FLRT2: variants seen among roughly 807,000 people sequenced by gnomAD.
FLRT2 encodes the protein fibronectin leucine rich transmembrane protein 2.
A neutral mutation model predicts 40.0 loss-of-function variants in FLRT2; 15 were observed. The ratio of observed to expected loss-of-function variants is 0.38; its 90% CI spans 0.25 to 0.58. The LOEUF (loss-of-function observed/expected upper bound fraction) is 0.58, where lower values mean the gene tolerates loss of function less well. FLRT2 is among the 20% of genes least tolerant of loss of function. FLRT2 has a pLI of 0.71. For missense variants in FLRT2, 726 were observed against 840.0 expected, an observed-to-expected ratio of 0.86 and a Z score of 1.68; for synonymous variants, 380 against 336.8, an observed-to-expected ratio of 1.13 and a Z score of -1.41.
At chr14:85,614,629 T>C (rs921295651) in intron 1 of FLRT2, among the ~76,000 whole-genome samples, 4 of 152,004 alleles carry the variant, frequency 2.6e-5, no homozygotes, top group Non-Finnish European at 5.9e-5. Context: ...AGTTGACAAA[T>C]TGCACCTGAC....
intron 1 of FLRT2, among the ~76,000 whole-genome samples, chr14:85,587,287 G>GAAAAAAA (rs748034839): frequency 5.7e-5 from 5 of 88,232 alleles, no homozygotes; most frequent in Non-Finnish European, 9.9e-5. Context: ...CTAAGGAATG[G>GAAAAAAA]AAAAAAAAAA....
At chr14:85,532,447 G>T (rs1350236655) in intron 1 of FLRT2, among the ~76,000 whole-genome samples, 6 of 152,120 alleles carry the variant, frequency 3.9e-5, no homozygotes, top group African/African-American at 1.4e-4. Flanking sequence ...TTTTTTACTT[G>T]TTTGTTTGTT....
At chr14:85,546,901 TATG>T (rs1889310686) in intron 1 of FLRT2, among the ~76,000 whole-genome samples, 1 of 152,206 alleles carries the variant, frequency 6.6e-6, no homozygotes, top group African/African-American at 2.4e-5. Flanking sequence ...TTAAACAAAA[TATG>T]CTGCCTAGAA....
chr14:85,585,536 G>T (rs1419308392), intron 1 of FLRT2, among the ~76,000 whole-genome samples: 2 of 152,024 alleles, frequency 1.3e-5, no homozygotes, highest in African/African-American at 4.8e-5. Flanking sequence ...CAAAGTTAAA[G>T]GATAAAATTA....
intron 1 of FLRT2, among the ~76,000 whole-genome samples, chr14:85,542,743 T>G (rs1889053006): frequency 6.6e-6 from 1 of 152,296 alleles, no homozygotes; most frequent in African/African-American, 2.4e-5. Flanking sequence ...GCAATGGAAT[T>G]TAAAACTTGA....
chr14:85,617,968 A>G (rs2139363606), intron 1 of FLRT2, among the ~76,000 whole-genome samples: 1 of 152,320 alleles, frequency 6.6e-6, no homozygotes, highest in Middle Eastern at 3.4e-3. Flanking sequence ...TATAATTACA[A>G]AAGAGCCACT....
In FLRT2 at chr14:85,642,438, G is replaced by A. The variant is rs1306300267; in HGVS notation, c.*18941G>A. Reference sequence around the variant, plus strand: ...AACTAACTTACCTGAGGTAACTAATGTAAAATAGCTTGTTCTGATCACCTC... The same window carrying A: ...AACTAACTTACCTGAGGTAACTAATATAAAATAGCTTGTTCTGATCACCTC... On this transcript the variant is annotated 3_prime_UTR_variant, in exon 2 of 2. Transcript: ENST00000330753. 3 of 152,140 alleles carry A rather than the reference G, an allele frequency of 2.0e-5. No individual in the cohort carries two copies. The highest frequency in any genetic ancestry group is 7.2e-5 in the African/African-American group (3 of 41,432). 9.4% of individuals were successfully genotyped at this position (152,140 alleles called of 1,614,324 possible). A position where few individuals can be genotyped will look rare whatever the true frequency, so the allele number is the denominator to read the frequency against.
intron 1 of FLRT2, among the ~76,000 whole-genome samples, chr14:85,533,470 C>T (rs950839716): frequency 6.6e-6 from 1 of 151,992 alleles, no homozygotes; most frequent in Non-Finnish European, 1.5e-5. Flanking sequence ...ACACACGCGT[C>T]GGAGGAGAGC....
intron 1 of FLRT2, among the ~76,000 whole-genome samples, chr14:85,543,399 T>A (rs970004592): frequency 1.3e-5 from 2 of 152,106 alleles, no homozygotes; most frequent in Admixed American, 6.6e-5. Flanking sequence ...GCTAGAAAAG[T>A]ACCTTCAGAG....
At chr14:85,535,272 G>A (rs1022676356) in intron 1 of FLRT2, among the ~76,000 whole-genome samples, 1 of 151,918 alleles carries the variant, frequency 6.6e-6, no homozygotes, top group African/African-American at 2.4e-5. Context: ...CTAATCTGAA[G>A]GCTAGCTTCC....
At chr14:85,591,389 C>T (rs1158523844) in intron 1 of FLRT2, among the ~76,000 whole-genome samples, 1 of 152,148 alleles carries the variant, frequency 6.6e-6, no homozygotes, top group East Asian at 1.9e-4. Context: ...TGAAAGCACG[C>T]ATCAGTAGTG....
chr14:85,534,698 A>C (rs1430740292), intron 1 of FLRT2, among the ~76,000 whole-genome samples: 3 of 151,568 alleles, frequency 2.0e-5, no homozygotes, highest in African/African-American at 7.3e-5. Context: ...AGTGGTCCTA[A>C]GGTAGTGAGT....
chr14:85,635,326 T>G lies in FLRT2; in HGVS notation c.*11829T>G, dbSNP rs1333037400. ...GGTTGGCATATATTCAAACCCATTATGGCTGAAAAATTACAAATGAATAGA... is the reference window on the plus strand; with the variant it reads ...GGTTGGCATATATTCAAACCCATTAGGGCTGAAAAATTACAAATGAATAGA... On this transcript the variant is annotated 3_prime_UTR_variant, in exon 2 of 2. Coordinates refer to ENST00000330753, the MANE Select transcript of FLRT2 (RefSeq NM_013231.6). 1 of 152,136 alleles carries G rather than the reference T, an allele frequency of 6.6e-6. No individual in the cohort carries two copies. The highest frequency in any genetic ancestry group is 1.9e-4 in the East Asian group (1 of 5,202). 9.4% of individuals were successfully genotyped at this position (152,136 alleles called of 1,614,324 possible). A position where few individuals can be genotyped will look rare whatever the true frequency, so the allele number is the denominator to read the frequency against.
intron 1 of FLRT2, among the ~76,000 whole-genome samples, chr14:85,574,816 G>A (rs17712080): frequency 0.19 from 28,886 of 152,060 alleles, 3,531 homozygotes; most frequent in South Asian, 0.26. Flanking sequence ...CTCCTCACTG[G>A]CCAATTTGTT....
intron 1 of FLRT2, among the ~76,000 whole-genome samples, chr14:85,601,133 A>C (rs1236573591): frequency 1.3e-5 from 2 of 152,152 alleles, no homozygotes; most frequent in African/African-American, 4.8e-5. Context: ...TACAGGAAGC[A>C]GTGAAGATGT....
intron 1 of FLRT2, among the ~76,000 whole-genome samples, chr14:85,548,681 T>C (rs1889425111): frequency 6.6e-6 from 1 of 152,222 alleles, no homozygotes; most frequent in Non-Finnish European, 1.5e-5. Flanking sequence ...TCCATGATTG[T>C]ATTCTTTTTA....
intron 1 of FLRT2, among the ~76,000 whole-genome samples, chr14:85,588,740 C>T (rs528567207): frequency 3.0e-4 from 45 of 152,144 alleles, no homozygotes; most frequent in African/African-American, 1.0e-3. Context: ...TACCCATTAA[C>T]GATACTTACT....
At chr14:85,594,445 C>G (rs186874633) in intron 1 of FLRT2, among the ~76,000 whole-genome samples, 101 of 152,238 alleles carry the variant, frequency 6.6e-4, no homozygotes, top group Middle Eastern at 3.4e-3. Context: ...TCCCTCATAC[C>G]TGTAAGTCTC....
At position 85,654,185 on chromosome 14, in the gene FLRT2, T is replaced by C. The variant is rs540120584; in HGVS notation, c.*30688T>C. 2.0e-5 allele frequency: 3 copies of C among 152,152 alleles called. No homozygotes were observed. In the South Asian group the frequency reaches 6.2e-4, roughly 32 times the overall value. 9.4% of individuals were successfully genotyped at this position (152,152 alleles called of 1,614,324 possible). ...GAATGAAAAGACTGTCTTTTTTTAA[T>C]TGTGATTTGTTTATGACTAACAGCA... On this transcript the variant is annotated 3_prime_UTR_variant, in exon 2 of 2. Coordinates refer to ENST00000330753, the MANE Select transcript of FLRT2 (RefSeq NM_013231.6).
Sources: allele counts gnomAD v4.1 joint callset (sites outside exome capture counted in the v4.1 genomes callset), GRCh38; gene constraint gnomAD v4.1.1; transcripts MANE v1.5; gene names NCBI Gene and HGNC (gene_info 2026-07-23, HGNC 2026-07-21).